NME7: variants seen among roughly 807,000 people sequenced by gnomAD.
NME7 encodes the protein nucleoside diphosphate kinase 7.
NME7 carries 41 observed loss-of-function variants against 49.1 expected under a neutral mutation model. The ratio of observed to expected loss-of-function variants is 0.83; its 90% CI spans 0.65 to 1.08. The LOEUF (loss-of-function observed/expected upper bound fraction) is 1.08, where lower values mean the gene tolerates loss of function less well. NME7 is among the 50% of genes least tolerant of loss of function. NME7 has a pLI of 0.00. For synonymous variants in NME7, 139 were observed against 150.6 expected, an observed-to-expected ratio of 0.92 and a Z score of 0.56; for missense variants, 423 against 463.4, an observed-to-expected ratio of 0.91 and a Z score of 0.80.
chr1:169,338,581 A>G (rs1295691740), intron 1 of NME7, among the ~76,000 whole-genome samples: 2 of 152,280 alleles, frequency 1.3e-5, no homozygotes, highest in Non-Finnish European at 2.9e-5. Context: ...AATCTTGAAA[A>G]TTTTTGCTCT....
intron 4 of NME7, among the ~76,000 whole-genome samples, chr1:169,306,173 G>A (rs1191951141): frequency 1.3e-5 from 2 of 152,160 alleles, no homozygotes; most frequent in East Asian, 3.9e-4. Flanking sequence ...AGCTATTACA[G>A]TAGGTGAGTA....
rs1344911060 is a variant in NME7 at position 169,367,740 on chromosome 1, G to A, written c.-30C>T. Reference sequence around the variant, plus strand: ...TCAGGATCTCAGCACTAGAAAATAGGTATCGTTGAGACAGGAAGACACCAC... The same window carrying A: ...TCAGGATCTCAGCACTAGAAAATAGATATCGTTGAGACAGGAAGACACCAC... On this transcript the variant is annotated 5_prime_UTR_variant, in exon 1 of 12. Transcript: ENST00000367811. The A allele has an allele frequency of 6.2e-7, 1 of 1,613,930 alleles. No homozygotes were observed.
At position 169,242,358 on chromosome 1, in the gene NME7, AC is replaced by A. The variant is rs762933563; in HGVS notation, c.755-4672del. Among the ~76,000 whole-genome samples the A allele has an allele frequency of 5.9e-5, 9 of 152,032 alleles. 1 individual carries two copies. The highest frequency in any genetic ancestry group is 1.7e-4 in the African/African-American group (7 of 41,418). ...TCTGCATATATTGATACAGAAAAAA[AC>A]ATTTGAAAATATACAGCACTCATAA... On this transcript the variant is annotated intron_variant, in intron 7 of 11. Transcript: ENST00000367811.
intron 1 of NME7, among the ~76,000 whole-genome samples, chr1:169,343,466 T>C (rs747351923): frequency 4.6e-5 from 7 of 151,966 alleles, no homozygotes; most frequent in Admixed American, 2.0e-4. Flanking sequence ...TATATGTCTA[T>C]CCCTATGCTA....
intron 3 of NME7, among the ~76,000 whole-genome samples, chr1:169,316,488 C>T (rs1301791862): frequency 2.6e-5 from 4 of 152,100 alleles, no homozygotes; most frequent in South Asian, 4.1e-4. Flanking sequence ...ATCTCCAGAA[C>T]GTATAAATAT....
At chr1:169,221,876 C>T (rs1021681072) in intron 10 of NME7, among the ~76,000 whole-genome samples, 2 of 151,878 alleles carry the variant, frequency 1.3e-5, no homozygotes, top group African/African-American at 4.8e-5. Context: ...TGAGGTTTTA[C>T]CTTGTTGCCC....
intron 1 of NME7, among the ~76,000 whole-genome samples, chr1:169,352,547 G>C (rs1231150219): frequency 6.6e-6 from 1 of 152,000 alleles, no homozygotes; most frequent in Non-Finnish European, 1.5e-5. Flanking sequence ...TTTCACCACT[G>C]TTATTCAACA....
At chr1:169,156,083 C>A (rs376818092) in intron 11 of NME7, among the ~76,000 whole-genome samples, 1 of 147,552 alleles carries the variant, frequency 6.8e-6, no homozygotes, top group African/African-American at 2.5e-5. Flanking sequence ...TTTGAGAGAC[C>A]AAGGTGGGAC....
chr1:169,303,202 A>AGCATCATCATTTTGAGTTTGGTT lies in NME7; in HGVS notation c.390-8_390-7insAACCAAACTCAAAATGATGATGC. The AGCATCATCATTTTGAGTTTGGTT allele has an allele frequency of 6.9e-7, 1 of 1,448,134 alleles. No homozygotes were observed. Among genetic ancestry groups the AGCATCATCATTTTGAGTTTGGTT allele is most frequent in the Admixed American group, 1.9e-5 (1 of 51,936 alleles). The allele number at this position is 1,448,134 out of a possible 1,614,324, so 89.7% of individuals were successfully genotyped here. On this transcript the variant is annotated splice_region_variant and splice_polypyrimidine_tract_variant and intron_variant, in intron 4 of 11. Coordinates refer to ENST00000367811, the MANE Select transcript of NME7 (RefSeq NM_013330.5). ...AAAATCCAATGCTTCTTTCCTATAAAATAATCAAAAAGGCAATAGTTAAGA... is the reference window on the plus strand; with the variant it reads ...AAAATCCAATGCTTCTTTCCTATAAAGCATCATCATTTTGAGTTTGGTTATAATCAAAAAGGCAATAGTTAAGA...
intron 6 of NME7, among the ~76,000 whole-genome samples, 160 bp from the exon 7 acceptor site, chr1:169,287,568 GATTAA>G (rs1230748924): frequency 2.0e-5 from 3 of 152,076 alleles, no homozygotes; most frequent in Non-Finnish European, 4.4e-5. Context: ...AAGACACACT[GATTAA>G]ATTAACCCTG....
rs886760170 is a variant in NME7 at position 169,315,575 on chromosome 1, T to C, written c.279-5495A>G. Among the ~76,000 whole-genome samples the C allele has an allele frequency of 7.2e-5, 11 of 152,100 alleles. 1 individual carries two copies. Among genetic ancestry groups the C allele is most frequent in the Admixed American group, 5.9e-4 (9 of 15,260 alleles). The stretch of plus-strand genomic sequence containing the variant: ...GCCACCACACCTGGCCTAAACATTC[T>C]TTTCTAACACACATAGATCATTAAT... On this transcript the variant is annotated intron_variant, in intron 3 of 11. Coordinates refer to ENST00000367811, the MANE Select transcript of NME7 (RefSeq NM_013330.5).
chr1:169,168,629 C>A (rs1293201588), intron 11 of NME7, among the ~76,000 whole-genome samples: 1 of 151,982 alleles, frequency 6.6e-6, no homozygotes, highest in Non-Finnish European at 1.5e-5. Context: ...AACAGTTGAC[C>A]CTTAAACAGT....
chr1:169,170,194 G>C (rs1405304616), intron 10 of NME7, among the ~76,000 whole-genome samples: 1 of 152,182 alleles, frequency 6.6e-6, no homozygotes, highest in South Asian at 2.1e-4. Flanking sequence ...CTGTGGGTGG[G>C]AGGAGAGGGG....
intron 11 of NME7, among the ~76,000 whole-genome samples, chr1:169,162,810 G>T (rs1364204607): frequency 2.0e-5 from 3 of 152,102 alleles, no homozygotes; most frequent in Admixed American, 2.0e-4. Context: ...TTGCAATCCA[G>T]CCCAGGAGAC....
At chr1:169,180,243 T>C (rs1293655148) in intron 10 of NME7, among the ~76,000 whole-genome samples, 2 of 152,188 alleles carry the variant, frequency 1.3e-5, no homozygotes, top group African/African-American at 4.8e-5. Flanking sequence ...ATTTAGTAGA[T>C]ATAATCATTG....
At chr1:169,138,730 T>C (rs956333212) in intron 11 of NME7, among the ~76,000 whole-genome samples, 2 of 151,988 alleles carry the variant, frequency 1.3e-5, no homozygotes, top group Admixed American at 6.6e-5. Flanking sequence ...AAAATATATA[T>C]AGATATGTAT....
chr1:169,144,690 G>T lies in NME7; in HGVS notation c.1099-11873C>A, dbSNP rs181179932. On this transcript the variant is annotated intron_variant, in intron 11 of 11. Transcript: ENST00000367811. Reference sequence around the variant, plus strand: ...CTAGAACAGTGAATGGCACAAACAGGCCTTCAATAAATGTATGTTAACCTG... The same window carrying T: ...CTAGAACAGTGAATGGCACAAACAGTCCTTCAATAAATGTATGTTAACCTG... Among the ~76,000 whole-genome samples the T allele has an allele frequency of 1.4e-3, 209 of 152,248 alleles. 2 individuals are homozygous for T. Among genetic ancestry groups the T allele is most frequent in the Non-Finnish European group, 8.1e-4 (55 of 68,010 alleles).
chr1:169,243,614 C>A (rs1156613532), intron 7 of NME7, among the ~76,000 whole-genome samples: 1 of 152,158 alleles, frequency 6.6e-6, no homozygotes. Flanking sequence ...ATAAAAGAAG[C>A]TCCAGAGAGT....
At chr1:169,172,278 TA>T (rs200984260) in intron 10 of NME7, among the ~76,000 whole-genome samples, 301 of 101,764 alleles carry the variant, frequency 3.0e-3, no homozygotes, top group African/African-American at 0.011. Context: ...GTAACAAAAC[TA>T]AAAAAAAACA....
Sources: allele counts gnomAD v4.1 joint callset (sites outside exome capture counted in the v4.1 genomes callset), GRCh38; gene constraint gnomAD v4.1.1; transcripts MANE v1.5; gene names NCBI Gene and HGNC (gene_info 2026-07-23, HGNC 2026-07-21).